GIMAP8: variants seen among roughly 807,000 people sequenced by gnomAD.
The protein encoded by GIMAP8 is GTPase IMAP family member 8.
Under a neutral mutation model 35.6 loss-of-function variants are expected in GIMAP8, and 29 were observed. That is an observed-to-expected ratio of 0.81 (90% confidence interval 0.61 to 1.11). GIMAP8 has a LOEUF of 1.11. Ranked by LOEUF, GIMAP8 falls within the 50% of genes most tolerant of loss-of-function variation. The pLI, the probability that GIMAP8 is intolerant of heterozygous loss-of-function variation, is 0.00. For missense variants in GIMAP8, 811 were observed against 805.0 expected (o/e 1.01, Z -0.09); for synonymous variants, 335 against 308.7 (o/e 1.09, Z -0.89).
At chr7:150,457,463 G>A (rs965948999) in intron 1 of GIMAP8, among the ~76,000 whole-genome samples, 2 of 152,140 alleles carry the variant, frequency 1.3e-5, no homozygotes, top group Non-Finnish European at 2.9e-5. Flanking sequence ...TGAAAGAAAG[G>A]GTTGATAAGA....
rs1802121248 is a variant in GIMAP8 at position 150,472,792 on chromosome 7, G to A, written c.683-1220G>A. Among the ~76,000 whole-genome samples the A allele has an allele frequency of 6.6e-6, 1 of 152,166 alleles. No homozygotes were observed. The highest frequency in any genetic ancestry group is 6.5e-5 in the Admixed American group (1 of 15,282). ...TAGCCAGCAGGAGATAGGGCAGGAG[G>A]CAAAGAAAGTGCTGTCATATGGGCA... On this transcript the variant is annotated intron_variant, in intron 3 of 4. Transcript: ENST00000307271. The surrounding 1 kb of genome is among the most constrained non-coding windows in gnomAD (Gnocchi z 4.1).
Position 150,478,911 on chromosome 7 carries a change from G to A in GIMAP8, c.*1131G>A, listed in dbSNP as rs1014035609. 1 of 152,200 alleles carries A rather than the reference G, an allele frequency of 6.6e-6. No individual in the cohort carries two copies. Among genetic ancestry groups the A allele is most frequent in the African/African-American group, 2.4e-5 (1 of 41,436 alleles). 9.4% of individuals were successfully genotyped at this position (152,200 alleles called of 1,614,324 possible). On this transcript the variant is annotated 3_prime_UTR_variant, in exon 5 of 5. Transcript: ENST00000307271. Reference sequence around the variant, plus strand: ...AGAGAAATCTGGAACCTTCTTCTGGGTAGATACAGGATAAGATAGATACAG... The same window carrying A: ...AGAGAAATCTGGAACCTTCTTCTGGATAGATACAGGATAAGATAGATACAG...
intron 4 of GIMAP8, among the ~76,000 whole-genome samples, chr7:150,475,869 G>C (rs994616564): frequency 3.3e-5 from 5 of 152,180 alleles, no homozygotes; most frequent in Non-Finnish European, 7.3e-5. Flanking sequence ...GAAGCAAAGA[G>C]GTAGGACTAA....
At chr7:150,452,997 A>G (rs908972490) in intron 1 of GIMAP8, among the ~76,000 whole-genome samples, 1 of 151,958 alleles carries the variant, frequency 6.6e-6, no homozygotes, top group Non-Finnish European at 1.5e-5. Flanking sequence ...CATGCCAGGC[A>G]CAATGTTAGG....
At chr7:150,456,187 A>G (rs987436264) in intron 1 of GIMAP8, among the ~76,000 whole-genome samples, 2 of 152,178 alleles carry the variant, frequency 1.3e-5, no homozygotes, top group African/African-American at 4.8e-5. Flanking sequence ...TGGGAGACAG[A>G]GTGTATTAGT....
chr7:150,463,971 C>T (rs1801897784), intron 1 of GIMAP8, among the ~76,000 whole-genome samples: 1 of 152,192 alleles, frequency 6.6e-6, no homozygotes, highest in Non-Finnish European at 1.5e-5. Context: ...CCCCAAGTGG[C>T]ATGCATGGGC....
chr7:150,475,796 G>A (rs1802215648), intron 4 of GIMAP8, among the ~76,000 whole-genome samples: 1 of 152,218 alleles, frequency 6.6e-6, no homozygotes, highest in East Asian at 1.9e-4. Context: ...TTTAGAGAAT[G>A]GGTAGGGATT....
intron 3 of GIMAP8, among the ~76,000 whole-genome samples, chr7:150,471,804 C>T (rs371889847): frequency 6.6e-6 from 1 of 151,896 alleles, no homozygotes; most frequent in East Asian, 1.9e-4. Context: ...GCCACTTTAC[C>T]CCAGTCTGGG....
intron 3 of GIMAP8, among the ~76,000 whole-genome samples, chr7:150,471,873 G>A (rs1246873026): frequency 6.6e-6 from 1 of 151,844 alleles, no homozygotes; most frequent in Non-Finnish European, 1.5e-5. Flanking sequence ...TTATGTCCTG[G>A]GAAATAACTT....
chr7:150,474,751 T>G, intron 4 of GIMAP8, 113 bp downstream of exon 4: 2 of 683,844 alleles, frequency 2.9e-6, no homozygotes, highest in Non-Finnish European at 2.2e-6. Flanking sequence ...TACTTTAAGT[T>G]TTAGGGTACA....
Position 150,466,940 on chromosome 7 carries a change from G to T in GIMAP8, c.242G>T (p.Arg81Leu), listed in dbSNP as rs772996358. 6.2e-7 allele frequency: 1 copy of T among 1,614,196 alleles called. No individual in the cohort carries two copies. Among genetic ancestry groups the T allele is most frequent in the Admixed American group, 1.7e-5 (1 of 60,026 alleles). Residue 81 changes from arginine (R) to leucine (L), a missense_variant, in exon 2 of 5, where the codon CGC becomes CTC. Transcript: ENST00000307271. ...ATAGCTTGTGCTGAAGACAAGCAACGCAACATCCAACACTGCTTGGAGCTC... is the reference window on the plus strand; with the variant it reads ...ATAGCTTGTGCTGAAGACAAGCAACTCAACATCCAACACTGCTTGGAGCTC... ...SSIACAEDKQRNIQHCLELSA... is the reference protein window; with the variant it reads ...SSIACAEDKQLNIQHCLELSA...
chr7:150,472,230 G>C lies in GIMAP8; in HGVS notation c.682+1356G>C, dbSNP rs1477288136. Among the ~76,000 whole-genome samples, 1 of 152,218 alleles carries C rather than the reference G, an allele frequency of 6.6e-6. No individual in the cohort carries two copies. The highest frequency in any genetic ancestry group is 1.5e-5 in the Non-Finnish European group (1 of 68,036). ...ATGTGGGCTCATGTTAGGTGATTCTGAGGAAGGTTCCAGGAAGTGGGACTT... is the reference window on the plus strand; with the variant it reads ...ATGTGGGCTCATGTTAGGTGATTCTCAGGAAGGTTCCAGGAAGTGGGACTT... On this transcript the variant is annotated intron_variant, in intron 3 of 4. Coordinates refer to ENST00000307271, the MANE Select transcript of GIMAP8 (RefSeq NM_175571.4). The surrounding 1 kb of genome is among the most constrained non-coding windows in gnomAD (Gnocchi z 4.1).
intron 1 of GIMAP8, among the ~76,000 whole-genome samples, chr7:150,454,318 G>T (rs1363419164): frequency 1.3e-5 from 2 of 152,188 alleles, no homozygotes; most frequent in Admixed American, 6.5e-5. Flanking sequence ...GTTTTAACAG[G>T]AGAGGAGAAC....
At chr7:150,473,492 G>A (rs887533351) in intron 3 of GIMAP8, among the ~76,000 whole-genome samples, 4 of 148,530 alleles carry the variant, frequency 2.7e-5, no homozygotes, top group African/African-American at 1.0e-4. Context: ...AACTTCATAT[G>A]GTAGAATCAT....
chr7:150,455,271 G>A (rs1585110942), intron 1 of GIMAP8, among the ~76,000 whole-genome samples: 1 of 152,280 alleles, frequency 6.6e-6, no homozygotes, highest in Non-Finnish European at 1.5e-5. Flanking sequence ...ATTTCAACAG[G>A]ACTTAAAGAA....
At chr7:150,476,001 A>G (rs1802219541) in intron 4 of GIMAP8, among the ~76,000 whole-genome samples, 1 of 152,208 alleles carries the variant, frequency 6.6e-6, no homozygotes, top group Non-Finnish European at 1.5e-5. Context: ...ACACTGAATT[A>G]GAGAATATGG....
chr7:150,452,734 C>A (rs1423699245), intron 1 of GIMAP8, among the ~76,000 whole-genome samples: 2 of 113,666 alleles, frequency 1.8e-5, no homozygotes, highest in Non-Finnish European at 3.5e-5. Flanking sequence ...CTACAGGCAC[C>A]CACCACCATG....
chr7:150,456,105 C>T (rs1004683642), intron 1 of GIMAP8, among the ~76,000 whole-genome samples: 3 of 152,106 alleles, frequency 2.0e-5, no homozygotes, highest in Non-Finnish European at 4.4e-5. Flanking sequence ...CCCAGAAGTT[C>T]CAAGCAGACT....
At chr7:150,455,245 T>C (rs1801706114) in intron 1 of GIMAP8, among the ~76,000 whole-genome samples, 1 of 151,406 alleles carries the variant, frequency 6.6e-6, no homozygotes, top group South Asian at 2.1e-4. Flanking sequence ...ATAAATGCAA[T>C]GCAATGGCAT....
Sources: gnomAD v4.1 joint callset for allele counts (sites outside exome capture counted in the v4.1 genomes callset) on GRCh38, gnomAD v4.1.1 for gene constraint, Gnocchi (gnomAD v3.1) non-coding constraint, MANE v1.5 for transcripts, NCBI Gene and HGNC (gene_info 2026-07-23, HGNC 2026-07-21) for gene names.